Variants in ADK observed in about 807,000 individuals in gnomAD.
The protein encoded by ADK is adenosine kinase.
A neutral mutation model predicts 44.7 loss-of-function variants in ADK; 24 were observed. That is an observed-to-expected ratio of 0.54 (90% CI 0.39 to 0.76). The LOEUF is 0.76. Ranked by LOEUF, ADK falls within the 30% of genes least tolerant of loss-of-function variation. The pLI, the probability that ADK is intolerant of heterozygous loss-of-function variation, is 0.00. For missense variants in ADK, 321 were observed against 425.1 expected (o/e 0.76, Z 2.15); for synonymous variants, 128 against 142.6 (o/e 0.90, Z 0.73).
At chr10:74,505,490 A>G (rs188094825) in intron 6 of ADK, among the ~76,000 whole-genome samples, 5 of 146,788 alleles carry the variant, frequency 3.4e-5, no homozygotes, top group Admixed American at 3.4e-4. Flanking sequence ...CAAGATCCGT[A>G]TCTTGAAACT....
chr10:74,572,604 A>G (rs369757231), intron 7 of ADK, among the ~76,000 whole-genome samples: 1,841 of 152,308 alleles, frequency 0.012, 44 homozygotes, highest in African/African-American at 0.042. Flanking sequence ...GTGTTTTCCA[A>G]CTTGGTTCCA....
chr10:74,676,044 TAAAA>T (rs11458497), intron 10 of ADK, among the ~76,000 whole-genome samples: 1 of 143,802 alleles, frequency 7.0e-6, no homozygotes, highest in South Asian at 2.2e-4. Context: ...TTCTTAGAAT[TAAAA>T]AAAAAAAAAA....
intron 3 of ADK, among the ~76,000 whole-genome samples, chr10:74,235,360 G>A (rs779401245): frequency 7.3e-4 from 111 of 151,994 alleles, no homozygotes; most frequent in Non-Finnish European, 1.3e-3. Flanking sequence ...CTTAAGAGGT[G>A]GTCTCACTCT....
At chr10:74,655,362 TCGTCC>T in intron 9 of ADK, 1 of 412,140 alleles carries the variant, frequency 2.4e-6, no homozygotes, top group South Asian at 2.0e-5. Context: ...CCTTCTCATA[TCGTCC>T]ACATCAAAAA....
Position 74,572,350 on chromosome 10 carries a change from T to G in ADK, c.727-16932T>G, listed in dbSNP as rs532757575. 3.1e-3 allele frequency among the ~76,000 whole-genome samples: 477 copies of G among 152,346 alleles called. 1 individual carries two copies. The highest frequency in any genetic ancestry group is 5.6e-3 in the Non-Finnish European group (380 of 68,034). ...ATTGGCCCCCACTCTCTTCTGGCTT[T>G]TAGAGTTTTTGCCGAGAGATCTGCT... is the stretch of plus-strand genomic sequence containing the variant. On this transcript the variant is annotated intron_variant, in intron 7 of 10. Transcript: ENST00000539909.
At chr10:74,699,168 T>A (rs868834261) in intron 10 of ADK, among the ~76,000 whole-genome samples, 12 of 118,758 alleles carry the variant, frequency 1.0e-4, no homozygotes, top group Non-Finnish European at 7.0e-5. Context: ...TTTTTTTTTT[T>A]AATACCTGCA....
intron 1 of ADK, among the ~76,000 whole-genome samples, chr10:74,168,551 AG>A (rs201292142): frequency 0.046 from 6,192 of 135,262 alleles, 615 homozygotes; most frequent in African/African-American, 0.18. Flanking sequence ...AAAAAAAAAA[AG>A]AAAGAAAGAA....
intron 1 of ADK, among the ~76,000 whole-genome samples, chr10:74,195,316 A>C (rs1843089671): frequency 6.6e-6 from 1 of 152,152 alleles, no homozygotes; most frequent in Non-Finnish European, 1.5e-5. Context: ...TGGCCTGGAC[A>C]CTAGTTTATA....
At chr10:74,609,366 T>G (rs768922151) in intron 9 of ADK, among the ~76,000 whole-genome samples, 2 of 152,112 alleles carry the variant, frequency 1.3e-5, no homozygotes, top group Admixed American at 1.3e-4. Flanking sequence ...GCCCTGGTGG[T>G]GTAGGTACCC....
chr10:74,636,644 C>A (rs1418023742), intron 9 of ADK, among the ~76,000 whole-genome samples: 1 of 152,048 alleles, frequency 6.6e-6, no homozygotes, highest in Non-Finnish European at 1.5e-5. Flanking sequence ...GAATTCACAA[C>A]ATATGAAATG....
chr10:74,481,022 T>C (rs1374941547), intron 6 of ADK, among the ~76,000 whole-genome samples: 1 of 152,212 alleles, frequency 6.6e-6, no homozygotes, highest in Admixed American at 6.5e-5. Context: ...TTTTGGTTGT[T>C]TGCCTTCATT....
At chr10:74,508,829 T>C (rs190480234) in intron 6 of ADK, among the ~76,000 whole-genome samples, 1 of 152,316 alleles carries the variant, frequency 6.6e-6, no homozygotes, top group Admixed American at 6.5e-5. Context: ...TGTGTTATTT[T>C]AGATGCATGC....
At chr10:74,526,343 G>GCTT (rs1849041521) in intron 7 of ADK, among the ~76,000 whole-genome samples, 3 of 151,914 alleles carry the variant, frequency 2.0e-5, no homozygotes, top group African/African-American at 4.8e-5. Flanking sequence ...TATTTACTTT[G>GCTT]ATTGCTTGTT....
intron 3 of ADK, among the ~76,000 whole-genome samples, chr10:74,309,614 T>C (rs1840368492): frequency 6.6e-6 from 1 of 152,122 alleles, no homozygotes; most frequent in Admixed American, 6.6e-5. Flanking sequence ...TCTGTACATT[T>C]GGAGAGCAGA....
chr10:74,338,482 T>G (rs781020380), intron 4 of ADK, among the ~76,000 whole-genome samples: 21 of 152,238 alleles, frequency 1.4e-4, no homozygotes, highest in Non-Finnish European at 2.4e-4. Context: ...TTACATCAGC[T>G]TAATTTGTAA....
At chr10:74,394,094 G>A (rs761230248) in intron 4 of ADK, 47 bp from the exon 5 acceptor site, 1 of 1,579,654 alleles carries the variant, frequency 6.3e-7, no homozygotes, top group Non-Finnish European at 8.7e-7. Flanking sequence ...TAAACTATGT[G>A]TACCATTTTT....
chr10:74,504,134 A>G (rs1266150752), intron 6 of ADK, among the ~76,000 whole-genome samples: 1 of 152,206 alleles, frequency 6.6e-6, no homozygotes, highest in Admixed American at 6.5e-5. Context: ...CAGCAGACTC[A>G]CAAGAGTGCT....
chr10:74,553,477 G>A (rs755099159), intron 7 of ADK, among the ~76,000 whole-genome samples: 7 of 151,932 alleles, frequency 4.6e-5, no homozygotes, highest in Non-Finnish European at 7.4e-5. Context: ...GGGATTACAG[G>A]CATGAGCCAC....
At chr10:74,151,395 G>A in intron 1 of ADK, 52 bp downstream of exon 1, 1 of 1,538,460 alleles carries the variant, frequency 6.5e-7, no homozygotes, top group Non-Finnish European at 8.8e-7. Flanking sequence ...AAGCAAGCCA[G>A]GGCCCACGTG....
Sources: allele counts gnomAD v4.1 joint callset (sites outside exome capture counted in the v4.1 genomes callset), GRCh38; gene constraint gnomAD v4.1.1; transcripts MANE v1.5; gene names NCBI Gene and HGNC (gene_info 2026-07-23, HGNC 2026-07-21).